The following FAM20A variants were observed in gnomAD, a reference collection of about 807,000 sequenced individuals.
The protein encoded by FAM20A is FAM20A golgi associated secretory pathway pseudokinase.
In FAM20A, 42 loss-of-function variants were observed where a neutral mutation model predicts 52.0. The ratio of observed to expected loss-of-function variants is 0.81; its 90% CI spans 0.63 to 1.04. The LOEUF (loss-of-function observed/expected upper bound fraction) is 1.04, where lower values mean the gene tolerates loss of function less well. FAM20A is among the 50% of genes least tolerant of loss of function. The probability of loss-of-function intolerance (pLI) is 0.00; values close to 1 mark genes in which losing one functional copy is unlikely to be tolerated. For missense variants in FAM20A, 742 were observed against 712.7 expected, an observed-to-expected ratio of 1.04 and a Z score of -0.47; for synonymous variants, 304 against 298.9, an observed-to-expected ratio of 1.02 and a Z score of -0.18.
intron 7 of FAM20A, 145 bp downstream of exon 7, chr17:68,541,840 G>T (rs2086310663): frequency 2.0e-6 from 2 of 985,362 alleles, no homozygotes; most frequent in Non-Finnish European, 3.0e-6. Flanking sequence ...ACCCAGGCCT[G>T]CTGATCCCAG....
intron 1 of FAM20A, among the ~76,000 whole-genome samples, chr17:68,561,989 A>G (rs995852167): frequency 6.6e-6 from 1 of 151,994 alleles, no homozygotes; most frequent in Non-Finnish European, 1.5e-5. Flanking sequence ...ACACCTGGCT[A>G]AGTTTTGTTT....
intron 1 of FAM20A, among the ~76,000 whole-genome samples, chr17:68,593,973 A>T (rs375176332): frequency 1.3e-5 from 2 of 152,368 alleles, no homozygotes; most frequent in South Asian, 2.1e-4. Context: ...ATCAAAGGAC[A>T]TAGGGTGGTG....
Position 68,600,506 on chromosome 17 carries a change from G to A in FAM20A, c.161C>T (p.Ala54Val), listed in dbSNP as rs1210880060. 2 of 1,587,576 alleles carry A rather than the reference G, an allele frequency of 1.3e-6. No individual in the cohort carries two copies. The highest frequency in any genetic ancestry group is 2.3e-5 in the East Asian group (1 of 43,372). ...CPCTGRASSL[A>V]RDSAAAASDP... is the part of the protein sequence containing the mutation. The stretch of plus-strand genomic sequence containing the variant: ...CGAGGCAGCTGCGGCCGAGTCCCGC[G>A]CCAGGGAGGAGGCGCGGCCGGTGCA... The change falls in exon 1 of 11, where the codon GCG becomes GTG. Residue 54 changes from alanine to valine, a missense_variant. Transcript: ENST00000592554. This position sits in a 1 kb window ranked among gnomAD's most constrained non-coding sequence, Gnocchi z 6.2.
At chr17:68,544,933 A>G (rs2086478187) in intron 4 of FAM20A, among the ~76,000 whole-genome samples, 1 of 152,192 alleles carries the variant, frequency 6.6e-6, no homozygotes, top group Admixed American at 6.5e-5. Flanking sequence ...TTTACTTTAG[A>G]TCAGTGCTTC....
At chr17:68,558,299 T>C (rs756865361) in intron 1 of FAM20A, 4 of 423,796 alleles carry the variant, frequency 9.4e-6, no homozygotes, top group Non-Finnish European at 1.9e-5. Flanking sequence ...GATTTTAATC[T>C]TGTGAGATCC....
intron 3 of FAM20A, among the ~76,000 whole-genome samples, chr17:68,554,287 GA>G (rs1376530605): frequency 6.6e-6 from 1 of 152,058 alleles, no homozygotes; most frequent in African/African-American, 2.4e-5. Flanking sequence ...TTTTTTGGAA[GA>G]GACGGGTTTT....
Position 68,537,381 on chromosome 17 carries a change from C to T in FAM20A, c.*96G>A, listed in dbSNP as rs1425542945. 6.6e-7 allele frequency: 1 copy of T among 1,519,858 alleles called. No individual in the cohort carries two copies. Among genetic ancestry groups the T allele is most frequent in the Non-Finnish European group, 9.1e-7 (1 of 1,101,342 alleles). 94.1% of individuals were successfully genotyped at this position (1,519,858 alleles called of 1,614,324 possible). On this transcript the variant is annotated 3_prime_UTR_variant, in exon 11 of 11. Coordinates refer to ENST00000592554, the MANE Select transcript of FAM20A (RefSeq NM_017565.4). The surrounding 1 kb of genome is among the most constrained non-coding windows in gnomAD (Gnocchi z 4.2). ...GCTTCCTTCCTAGCTGACTTGACTC[C>T]CAGCAGTAACAGGTGGGAGTGAGGA...
intron 8 of FAM20A, among the ~76,000 whole-genome samples, chr17:68,540,337 A>G (rs1285451513): frequency 6.6e-6 from 1 of 152,184 alleles, no homozygotes; most frequent in African/African-American, 2.4e-5. Context: ...TAGTAAACAG[A>G]CACAGCTAAA....
chr17:68,579,208 C>T (rs144959288), intron 1 of FAM20A, among the ~76,000 whole-genome samples: 5 of 152,084 alleles, frequency 3.3e-5, no homozygotes, highest in African/African-American at 7.2e-5. Flanking sequence ...TGCTGGGGAA[C>T]GGTTAGGTGT....
At chr17:68,548,057 G>A (rs1336206648) in intron 4 of FAM20A, among the ~76,000 whole-genome samples, 2 of 152,154 alleles carry the variant, frequency 1.3e-5, no homozygotes, top group African/African-American at 2.4e-5. Flanking sequence ...GAGGCCTGAG[G>A]ACTGGGAGAG....
At chr17:68,594,191 C>G (rs2088385029) in intron 1 of FAM20A, among the ~76,000 whole-genome samples, 1 of 152,184 alleles carries the variant, frequency 6.6e-6, no homozygotes, top group African/African-American at 2.4e-5. Context: ...GCGGGCGGAT[C>G]ACGAGGTCAG....
At position 68,551,985 on chromosome 17, in the gene FAM20A, TC is replaced by T. The variant is rs1600567794; in HGVS notation, c.641-35del. The T allele has an allele frequency of 2.8e-6, 4 of 1,430,422 alleles. No homozygotes were observed. The East Asian group carries it at 9.7e-5, about 35-fold the overall frequency. The allele number at this position is 1,430,422 out of a possible 1,614,324, so 88.6% of individuals were successfully genotyped here. A position where few individuals can be genotyped will look rare whatever the true frequency, so the allele number is the denominator to read the frequency against. ...GGCAGAAGGGTGAGTTAACCATGCT[TC>T]CGGGCCTCAGCCAAGGCTTGTGACT... On this transcript the variant is annotated intron_variant, in intron 3 of 10. Coordinates refer to ENST00000592554, the MANE Select transcript of FAM20A (RefSeq NM_017565.4).
At chr17:68,581,461 C>CCTTTCTTT (rs68182732) in intron 1 of FAM20A, among the ~76,000 whole-genome samples, 1 of 119,106 alleles carries the variant, frequency 8.4e-6, no homozygotes, top group Non-Finnish European at 1.7e-5. Context: ...TTCTTTCTTT[C>CCTTTCTTT]CTTTCTTTCT....
At chr17:68,583,294 T>G (rs1327731818) in intron 1 of FAM20A, among the ~76,000 whole-genome samples, 1 of 152,124 alleles carries the variant, frequency 6.6e-6, no homozygotes, top group Non-Finnish European at 1.5e-5. Context: ...AACAAAAAAT[T>G]CCTTCTCTCA....
intron 1 of FAM20A, among the ~76,000 whole-genome samples, chr17:68,572,934 G>A (rs181134094): frequency 6.6e-6 from 1 of 152,252 alleles, no homozygotes; most frequent in Admixed American, 6.5e-5. Flanking sequence ...GGCCGGAGCT[G>A]CAGTGATCTG....
At chr17:68,563,995 C>T (rs2087299714) in intron 1 of FAM20A, among the ~76,000 whole-genome samples, 1 of 152,190 alleles carries the variant, frequency 6.6e-6, no homozygotes, top group Non-Finnish European at 1.5e-5. Context: ...ACAGAATGCA[C>T]AGCAAGTCGA....
In FAM20A at chr17:68,536,554, C is replaced by T. The variant is rs1242678300; in HGVS notation, c.*923G>A. The T allele has an allele frequency of 2.2e-6, 1 of 453,934 alleles. No homozygotes were observed. The highest frequency in any genetic ancestry group is 2.0e-5 in the African/African-American group (1 of 49,986). The allele number at this position is 453,934 out of a possible 1,614,324, so 28.1% of individuals were successfully genotyped here. On this transcript the variant is annotated 3_prime_UTR_variant, in exon 11 of 11. Transcript: ENST00000592554. Reference sequence around the variant, plus strand: ...TCACAGGGAGGGGCATCTAGAGGGCCTCACCTTTCCACATAGCCCCTTTCT... The same window carrying T: ...TCACAGGGAGGGGCATCTAGAGGGCTTCACCTTTCCACATAGCCCCTTTCT...
At chr17:68,565,947 A>G (rs565357958) in intron 1 of FAM20A, among the ~76,000 whole-genome samples, 1 of 152,176 alleles carries the variant, frequency 6.6e-6, no homozygotes, top group South Asian at 2.1e-4. Context: ...CATTTCCCCA[A>G]GTGTTTTACT....
At chr17:68,579,195 A>G (rs977926493) in intron 1 of FAM20A, among the ~76,000 whole-genome samples, 2 of 152,102 alleles carry the variant, frequency 1.3e-5, no homozygotes, top group African/African-American at 2.4e-5. Context: ...AGGTGATCCA[A>G]TGTGCTGGGG....
Sources: gnomAD v4.1 joint callset for allele counts (sites outside exome capture counted in the v4.1 genomes callset) on GRCh38, gnomAD v4.1.1 for gene constraint, Gnocchi (gnomAD v3.1) non-coding constraint, MANE v1.5 for transcripts, NCBI Gene and HGNC (gene_info 2026-07-23, HGNC 2026-07-21) for gene names.